Variants in ZNF425 observed in about 807,000 individuals in gnomAD.
The protein encoded by ZNF425 is zinc finger protein 425.
In ZNF425, 21 loss-of-function variants were observed where a neutral mutation model predicts 17.0. The ratio of observed to expected loss-of-function variants is 1.23; its 90% CI spans 0.88 to 1.78. ZNF425 has a LOEUF of 1.78. Ranked by LOEUF, ZNF425 falls within the 40% of genes most tolerant of loss-of-function variation. The pLI is 0.00. For missense variants in ZNF425, 868 were observed against 967.3 expected (o/e 0.90, Z 1.36); for synonymous variants, 433 against 384.1 (o/e 1.13, Z -1.49).
Position 149,104,076 on chromosome 7 carries a change from C to G in ZNF425, c.1795G>C (p.Glu599Gln). 1 of 1,613,106 alleles carries G rather than the reference C, an allele frequency of 6.2e-7. No homozygotes were observed. Among genetic ancestry groups the G allele is most frequent in the Non-Finnish European group, 8.5e-7 (1 of 1,179,968 alleles). ...KTYTHQSQLTEHLRLHSGEKP... is the reference protein window; with the variant it reads ...KTYTHQSQLTQHLRLHSGEKP... Reference sequence around the variant, plus strand: ...TCTCCACTGTGCAGCCTCAGGTGCTCGGTGAGCTGAGACTGATGCGTGTAG... The same window carrying G: ...TCTCCACTGTGCAGCCTCAGGTGCTGGGTGAGCTGAGACTGATGCGTGTAG... Residue 599 changes from glutamate (E) to glutamine (Q), a missense_variant, in exon 4 of 4, where the codon GAG (glutamate) becomes CAG (glutamine). Glu to Gln is a conservative substitution (Grantham distance 29). Around this residue, in one of 5 missense-constraint regions of ZNF425, gnomAD observed 437 missense variants for 444.2 expected, o/e 0.98. Coordinates refer to ENST00000378061, the MANE Select transcript of ZNF425 (RefSeq NM_001001661.3). This position sits in a 1 kb window ranked among gnomAD's most constrained non-coding sequence, Gnocchi z 4.3.
Position 149,105,956 on chromosome 7 carries a change from C to T in ZNF425, c.305-390G>A, listed in dbSNP as rs1403176106. Among the ~76,000 whole-genome samples the T allele has an allele frequency of 3.8e-4, 25 of 66,154 alleles. 1 individual carries two copies. Among genetic ancestry groups the T allele is most frequent in the South Asian group, 1.2e-3 (1 of 856 alleles). 43.4% of individuals were successfully genotyped at this position (66,154 alleles called of 152,430 possible). On this transcript the variant is annotated intron_variant, in intron 3 of 3. Coordinates refer to ENST00000378061, the MANE Select transcript of ZNF425 (RefSeq NM_001001661.3). ...GGCCTTTTTTAAAAAAAATTTTTTT[C>T]CTTTTTTTTTTTTTTTTGAGACGGA...
chr7:149,126,310 G>T lies in ZNF425; in HGVS notation c.-97C>A. On this transcript the variant is annotated 5_prime_UTR_variant, in exon 1 of 4. In the 5' UTR this introduces an upstream ATG that the reference lacks. Coordinates refer to ENST00000378061, the MANE Select transcript of ZNF425 (RefSeq NM_001001661.3). The stretch of plus-strand genomic sequence containing the variant: ...ACAGCCCTGCTGGCCCCCAAAGGCA[G>T]AGCCGGCCGGGCGCGGTGCATGCTG... 1 of 1,495,684 alleles carries T rather than the reference G, an allele frequency of 6.7e-7. No homozygotes were observed. The allele number at this position is 1,495,684 out of a possible 1,614,324, so 92.7% of individuals were successfully genotyped here. A position where few individuals can be genotyped will look rare whatever the true frequency, so the allele number is the denominator to read the frequency against.
At chr7:149,125,549 G>A (rs2222647) in intron 1 of ZNF425, 21,360 of 152,996 alleles carry the variant, frequency 0.14, 1,681 homozygotes, top group African/African-American at 0.22. Flanking sequence ...AGGAGAGCAC[G>A]GGCCCCAGAG....
At position 149,103,714 on chromosome 7, in the gene ZNF425, C is replaced by A. The variant is rs1175119439; in HGVS notation, c.2157G>T (p.Glu719Asp). The A allele has an allele frequency of 1.2e-6, 2 of 1,614,100 alleles. No homozygotes were observed. The highest frequency in any genetic ancestry group is 8.5e-7 in the Non-Finnish European group (1 of 1,180,058). ...CACACTCATCACAAGAAAAAGGCCTCTCCCCACTGTGAAGGCACAGATGGG... is the reference window on the plus strand; with the variant it reads ...CACACTCATCACAAGAAAAAGGCCTATCCCCACTGTGAAGGCACAGATGGG... The part of the protein sequence containing the change: ...LKAHLCLHSG[E>D]RPFSCDECGR... Residue 719 changes from glutamate to aspartate, a missense_variant, in exon 4 of 4, where the codon GAG becomes GAT. By Grantham distance (45) the Glu-to-Asp change is conservative. Around this residue, in one of 5 missense-constraint regions of ZNF425, gnomAD observed 437 missense variants for 444.2 expected, o/e 0.98. Transcript: ENST00000378061.
At chr7:149,115,196 C>A (rs566754642) in intron 2 of ZNF425, among the ~76,000 whole-genome samples, 6 of 149,272 alleles carry the variant, frequency 4.0e-5, no homozygotes, top group African/African-American at 1.5e-4. Context: ...GTGATCTGTC[C>A]GCCTCGACCT....
intron 2 of ZNF425, among the ~76,000 whole-genome samples, chr7:149,112,975 T>G (rs1826199812): frequency 7.8e-6 from 1 of 127,422 alleles, no homozygotes; most frequent in East Asian, 2.2e-4. Flanking sequence ...CCGTGACCCT[T>G]TTTTTTTTTT....
chr7:149,121,803 C>T (rs1826358821), intron 1 of ZNF425, among the ~76,000 whole-genome samples: 2 of 149,066 alleles, frequency 1.3e-5, no homozygotes, highest in Admixed American at 1.3e-4. Context: ...TGATCTCTAA[C>T]TGTGGCTTTA....
intron 3 of ZNF425, among the ~76,000 whole-genome samples, chr7:149,108,135 G>A (rs34154530): frequency 0.053 from 7,997 of 152,068 alleles, 223 homozygotes; most frequent in Middle Eastern, 0.075. Flanking sequence ...GCCTCACAAA[G>A]TGCTGGGATT....
chr7:149,110,430 G>T (rs1391721317), intron 3 of ZNF425, among the ~76,000 whole-genome samples: 1 of 151,670 alleles, frequency 6.6e-6, no homozygotes, highest in East Asian at 2.0e-4. Flanking sequence ...GCCAGGCGTG[G>T]TTGTGGGTGC....
chr7:149,117,671 G>A (rs1252005017), intron 2 of ZNF425, among the ~76,000 whole-genome samples: 1 of 18,728 alleles, frequency 5.3e-5, no homozygotes, highest in Non-Finnish European at 1.0e-4. Context: ...TTTTTTTTTT[G>A]AGATGGACTC....
chr7:149,105,184 C>T lies in ZNF425; in HGVS notation c.687G>A (p.Gly229=). The change falls in exon 4 of 4, where the codon GGG becomes GGA. Residue 229 remains glycine, a synonymous_variant. Coordinates refer to ENST00000378061, the MANE Select transcript of ZNF425 (RefSeq NM_001001661.3). ...TCTGCGTCCGCCTGAGTTCGGACTT[C>T]CCTCTGGACGAGTTTTTGTACTTTG... ...RYPKYKNSSR[G]KSELRRTQRL... The T allele has an allele frequency of 1.2e-6, 2 of 1,614,204 alleles. No individual in the cohort carries two copies. Among genetic ancestry groups the T allele is most frequent in the Non-Finnish European group, 1.7e-6 (2 of 1,180,040 alleles).
In ZNF425 at chr7:149,104,189, T is replaced by C; in HGVS notation, c.1682A>G (p.Lys561Arg). The stretch of plus-strand genomic sequence containing the variant: ...CATGGAGGCCTTCCAGGAGAAGCTC[T>C]TGTCGCACTCGGGACACTGGAAGGG... ...EEPFQCPECD[K>R]SFSWKASMKF... is the part of the protein sequence containing the mutation. The change falls in exon 4 of 4, where the codon AAG becomes AGG. Residue 561 changes from lysine to arginine, a missense_variant. By Grantham distance (26) the Lys-to-Arg change is conservative. This residue lies in a region of ZNF425 where 437 missense variants were observed against 444.2 expected (regional missense o/e 0.98). Transcript: ENST00000378061. The surrounding 1 kb of genome is among the most constrained non-coding windows in gnomAD (Gnocchi z 4.3). The C allele has an allele frequency of 1.2e-6, 2 of 1,613,198 alleles. No individual in the cohort carries two copies. The highest frequency in any genetic ancestry group is 8.5e-7 in the Non-Finnish European group (1 of 1,179,546).
In ZNF425 at chr7:149,104,066, C is replaced by T; in HGVS notation, c.1805G>A (p.Arg602Lys). ...GTAGGGCTTCTCTCCACTGTGCAGC[C>T]TCAGGTGCTCGGTGAGCTGAGACTG... ...THQSQLTEHL[R>K]LHSGEKPYQC... The change falls in exon 4 of 4, where the codon AGG becomes AAG. Residue 602 changes from arginine (R) to lysine (K), a missense_variant. Transcript: ENST00000378061. This position sits in a 1 kb window ranked among gnomAD's most constrained non-coding sequence, Gnocchi z 4.3. The T allele has an allele frequency of 6.2e-7, 1 of 1,613,374 alleles. No homozygotes were observed. Among genetic ancestry groups the T allele is most frequent in the Non-Finnish European group, 8.5e-7 (1 of 1,180,004 alleles).
chr7:149,118,464 C>T, intron 1 of ZNF425, 116 bp from the exon 2 acceptor site: 1 of 1,255,146 alleles, frequency 8.0e-7, no homozygotes, highest in Non-Finnish European at 1.1e-6. Context: ...CTGGATGGTG[C>T]CATATTATAA....
Position 149,118,325 on chromosome 7 carries a change from C to T in ZNF425, c.42G>A (p.Val14=). Residue 14 remains valine, a synonymous_variant, in exon 2 of 4, where the codon GTG becomes GTA. Coordinates refer to ENST00000378061, the MANE Select transcript of ZNF425 (RefSeq NM_001001661.3). ...ACTCTTGTTCCGAAAAATATAAGGC[C>T]ACATCATCAAATGTCACAGTTACCT... ...PASVTVTFDD[V]ALYFSEQEWE... 6.2e-7 allele frequency: 1 copy of T among 1,614,102 alleles called. No homozygotes were observed. Among genetic ancestry groups the T allele is most frequent in the South Asian group, 1.1e-5 (1 of 91,082 alleles).
rs1191022872 is a variant in ZNF425 at position 149,118,316 on chromosome 7, A to G, written c.51T>C (p.Tyr17=). ...VTVTFDDVAL[Y]FSEQEWEILE... ...GGATCTCCCACTCTTGTTCCGAAAA[A>G]TATAAGGCCACATCATCAAATGTCA... The change falls in exon 2 of 4, where the codon TAT becomes TAC. Residue 17 remains tyrosine, a synonymous_variant. Transcript: ENST00000378061. 1.2e-6 allele frequency: 2 copies of G among 1,614,068 alleles called. No homozygotes were observed. The highest frequency in any genetic ancestry group is 3.3e-5 in the Admixed American group (2 of 59,992).
At chr7:149,109,229 C>G (rs1374082369) in intron 3 of ZNF425, among the ~76,000 whole-genome samples, 1 of 152,052 alleles carries the variant, frequency 6.6e-6, no homozygotes, top group Non-Finnish European at 1.5e-5. Context: ...AGGCAGCTGC[C>G]ACCACGCCTG....
At position 149,105,448 on chromosome 7, in the gene ZNF425, G is replaced by A. The variant is rs770421949; in HGVS notation, c.423C>T (p.Ala141=). 42 of 1,540,330 alleles carry A rather than the reference G, an allele frequency of 2.7e-5. No individual in the cohort carries two copies. The highest frequency in any genetic ancestry group is 3.6e-5 in the Non-Finnish European group (41 of 1,149,208). The change falls in exon 4 of 4, where the codon GCC becomes GCT. Residue 141 remains alanine, a synonymous_variant. Transcript: ENST00000378061. ...CTCGGAGACTTGGAGACTGGAAGGT[G>A]GCTGTTTGAGCTAATAAAATCTTTC... The part of the protein sequence containing the change: ...KERKILLAQT[A]TFQSPSLRET...
chr7:149,125,310 G>A lies in ZNF425; in HGVS notation c.18+886C>T, dbSNP rs1000398837. On this transcript the variant is annotated intron_variant, in intron 1 of 3. Coordinates refer to ENST00000378061, the MANE Select transcript of ZNF425 (RefSeq NM_001001661.3). ...AATGTAACAGGGTTTCTTGGATTAA[G>A]CCTCAGGATACGCCTTTCAAACTCT... Among the ~76,000 whole-genome samples the A allele has an allele frequency of 7.2e-5, 11 of 152,278 alleles. No homozygotes were observed. In the East Asian group the frequency reaches 1.9e-3, roughly 27 times the overall value.
Sources: allele counts gnomAD v4.1 joint callset (sites outside exome capture counted in the v4.1 genomes callset), GRCh38; gene constraint gnomAD v4.1.1; regional missense constraint gnomAD v4.1.1; non-coding constraint Gnocchi (gnomAD v3.1); transcripts MANE v1.5; gene names NCBI Gene and HGNC (gene_info 2026-07-23, HGNC 2026-07-21).